Variants in SLC44A2 observed in about 807,000 individuals in gnomAD.
The protein encoded by SLC44A2 is solute carrier family 44 member 2 (CTL2 blood group).
SLC44A2 carries 57 observed loss-of-function variants against 90.8 expected under a neutral mutation model. The observed-to-expected ratio is 0.63, with a 90% CI of 0.51 to 0.78. The LOEUF is 0.78. SLC44A2 is among the 30% of genes least tolerant of loss of function. The pLI is 0.00. For synonymous variants in SLC44A2, 355 were observed against 360.7 expected, an observed-to-expected ratio of 0.98 and a Z score of 0.18; for missense variants, 794 against 919.7, an observed-to-expected ratio of 0.86 and a Z score of 1.77.
chr19:10,615,895 T>G (rs2066851252), intron 1 of SLC44A2, among the ~76,000 whole-genome samples: 1 of 152,028 alleles, frequency 6.6e-6, no homozygotes, highest in South Asian at 2.1e-4. Context: ...CTGGACATGG[T>G]GGCTCACACC....
intron 1 of SLC44A2, among the ~76,000 whole-genome samples, chr19:10,606,400 G>A (rs1918104626): frequency 6.6e-6 from 1 of 152,176 alleles, no homozygotes; most frequent in African/African-American, 2.4e-5. Flanking sequence ...ATGTGGCCGG[G>A]TGTGGTGGCT....
intron 4 of SLC44A2, among the ~76,000 whole-genome samples, chr19:10,629,839 C>T (rs1259003619): frequency 1.3e-5 from 2 of 151,762 alleles, no homozygotes; most frequent in African/African-American, 2.4e-5. Context: ...CTGCAACCTC[C>T]GCCACCCAGG....
chr19:10,619,383 A>G (rs118176811), intron 1 of SLC44A2, among the ~76,000 whole-genome samples: 9,209 of 148,746 alleles, frequency 0.062, 372 homozygotes, highest in South Asian at 0.12. Context: ...AGCCGAGATC[A>G]TGACACTGTA....
intron 1 of SLC44A2, among the ~76,000 whole-genome samples, chr19:10,618,849 C>T (rs2066876840): frequency 6.6e-6 from 1 of 151,868 alleles, no homozygotes; most frequent in African/African-American, 2.4e-5. Flanking sequence ...GCTAGGATTA[C>T]AGGCATGAGC....
intron 1 of SLC44A2, among the ~76,000 whole-genome samples, chr19:10,619,675 C>T (rs1049559331): frequency 3.6e-4 from 55 of 151,994 alleles, no homozygotes; most frequent in African/African-American, 1.1e-3. Context: ...AAATCTCCGC[C>T]GGACGCAGTG....
intron 1 of SLC44A2, among the ~76,000 whole-genome samples, chr19:10,617,156 G>C (rs1320030967): frequency 1.6e-5 from 1 of 64,272 alleles, no homozygotes; most frequent in Non-Finnish European, 3.1e-5. Flanking sequence ...TCCTGACCTC[G>C]TGATCCGCCC....
At position 10,608,652 on chromosome 19, in the gene SLC44A2, TTTA is replaced by T. The variant is rs1384017910; in HGVS notation, c.31+6094_31+6096del. Reference sequence around the variant, plus strand: ...AGTATATATATATTTTATTTATTTATTTATTTTTTTAATTTGAGACAGGGTCTC... The same window carrying T: ...AGTATATATATATTTTATTTATTTATTTTTTTTAATTTGAGACAGGGTCTC... On this transcript the variant is annotated intron_variant, in intron 1 of 21. Coordinates refer to the SLC44A2 transcript ENST00000407327. Among the ~76,000 whole-genome samples the T allele has an allele frequency of 1.9e-4, 28 of 150,744 alleles. 1 individual carries two copies. Among genetic ancestry groups the T allele is most frequent in the Admixed American group, 1.3e-3 (19 of 15,048 alleles).
intron 2 of SLC44A2, among the ~76,000 whole-genome samples, chr19:10,626,789 CT>C (rs1425269868): frequency 2.0e-5 from 3 of 151,634 alleles, no homozygotes; most frequent in Non-Finnish European, 4.4e-5. Flanking sequence ...GAGTCTCACT[CT>C]GTCACCCAGG....
intron 1 of SLC44A2, among the ~76,000 whole-genome samples, chr19:10,625,919 G>A (rs981153521): frequency 4.0e-5 from 6 of 151,730 alleles, no homozygotes; most frequent in African/African-American, 1.2e-4. Flanking sequence ...CACTGCTGCC[G>A]GCGCCTCCTT....
intron 1 of SLC44A2, among the ~76,000 whole-genome samples, chr19:10,607,077 A>G (rs1918130541): frequency 6.6e-6 from 1 of 150,946 alleles, no homozygotes; most frequent in Non-Finnish European, 1.5e-5. Flanking sequence ...ACGCCTGGCT[A>G]ATTTTTTTGT....
At chr19:10,631,562 A>T in intron 7 of SLC44A2, 27 bp downstream of exon 7, 1 of 1,614,070 alleles carries the variant, frequency 6.2e-7, no homozygotes, top group Non-Finnish European at 8.5e-7. Context: ...CAGGAGGCTC[A>T]GGTGGTGACG....
intron 21 of SLC44A2, 37 bp downstream of exon 21, chr19:10,642,488 G>A (rs770378427): frequency 5.7e-6 from 9 of 1,589,700 alleles, no homozygotes; most frequent in South Asian, 2.2e-5. Context: ...GCTGGGCCCC[G>A]AATCCCTTCT....
rs201296628 is a variant in SLC44A2, at chr19:10,631,158, C to A, written c.330+17C>A. 8.1e-6 allele frequency: 13 copies of A among 1,611,668 alleles called. No homozygotes were observed. The highest frequency in any genetic ancestry group is 1.1e-5 in the Non-Finnish European group (13 of 1,177,924). ...ACTCCCCAGGTAACCTGGTCCCCAC[C>A]GTTCCCTTTTTCCTCTCCCCGCTTC... On this transcript the variant is annotated intron_variant, in intron 5 of 21. Transcript: ENST00000335757.
At chr19:10,638,203 T>C (rs776219541) in intron 19 of SLC44A2, 24 bp from the exon 20 acceptor site, 3 of 1,613,858 alleles carry the variant, frequency 1.9e-6, no homozygotes, top group Admixed American at 1.7e-5. Flanking sequence ...CCCTTCGCCA[T>C]CTTGCTTTCT....
At chr19:10,602,660 G>A in intron 1 of SLC44A2, 3 of 1,114,376 alleles carry the variant, frequency 2.7e-6, no homozygotes, top group Non-Finnish European at 3.4e-6. Context: ...CGGCGCTGCG[G>A]CTGGATGGCC....
At chr19:10,636,950 T>A (rs1312069164) in intron 16 of SLC44A2, 194 bp downstream of exon 16, 5 of 580,262 alleles carry the variant, frequency 8.6e-6, no homozygotes, top group Non-Finnish European at 1.5e-5. Context: ...GAGAACCTAC[T>A]GGGTGGAATT....
intron 1 of SLC44A2, among the ~76,000 whole-genome samples, chr19:10,605,286 A>T (rs776947068): frequency 1.3e-5 from 2 of 152,002 alleles, no homozygotes; most frequent in Non-Finnish European, 2.9e-5. Context: ...GAGCCAAGGC[A>T]GGTGGATCAC....
chr19:10,622,282 A>G (rs986469199), upstream of SLC44A2, among the ~76,000 whole-genome samples: 5 of 152,132 alleles, frequency 3.3e-5, no homozygotes, highest in Admixed American at 6.6e-5. Context: ...AGGGCAGGTC[A>G]TGCAAGGCTT....
chr19:10,638,779 C>T (rs1599258714), intron 20 of SLC44A2, among the ~76,000 whole-genome samples: 1 of 150,998 alleles, frequency 6.6e-6, no homozygotes. Flanking sequence ...GGATTACAGG[C>T]ACCTGCCACC....
Sources: allele counts gnomAD v4.1 joint callset (sites outside exome capture counted in the v4.1 genomes callset), GRCh38; gene constraint gnomAD v4.1.1; transcripts MANE v1.5; gene names NCBI Gene and HGNC (gene_info 2026-07-23, HGNC 2026-07-21).